SLC7A11: variants seen among roughly 807,000 people sequenced by gnomAD.
The protein encoded by SLC7A11 is cystine/glutamate transporter.
A neutral mutation model predicts 54.5 loss-of-function variants in SLC7A11; 35 were observed. That is an observed-to-expected ratio of 0.64 (90% CI 0.49 to 0.85). The LOEUF is 0.85. Among genes scored for constraint, SLC7A11 ranks in the 40% least tolerant of loss-of-function variants. SLC7A11 has a pLI of 0.00. For missense variants in SLC7A11, 583 were observed against 618.1 expected (o/e 0.94, Z 0.60); for synonymous variants, 230 against 225.2 (o/e 1.02, Z -0.19).
At chr4:138,218,736 T>C (rs2148442378) in intron 5 of SLC7A11, among the ~76,000 whole-genome samples, 1 of 152,316 alleles carries the variant, frequency 6.6e-6, no homozygotes, top group African/African-American at 2.4e-5. Flanking sequence ...TAATAGACTG[T>C]CTAGAAGAGT....
chr4:138,211,154 C>T (rs921880237), intron 6 of SLC7A11, among the ~76,000 whole-genome samples: 18 of 151,926 alleles, frequency 1.2e-4, no homozygotes, highest in African/African-American at 4.1e-4. Flanking sequence ...AAACCAAATA[C>T]TGCATGTTCT....
chr4:138,222,904 G>A (rs1238349893), intron 4 of SLC7A11, among the ~76,000 whole-genome samples: 1 of 96,532 alleles, frequency 1.0e-5, no homozygotes, highest in Non-Finnish European at 2.0e-5. Context: ...AAACTAAGTG[G>A]CAGGTTTTTT....
intron 7 of SLC7A11, among the ~76,000 whole-genome samples, chr4:138,183,881 C>G (rs575918597): frequency 1.3e-5 from 2 of 152,230 alleles, no homozygotes; most frequent in South Asian, 4.1e-4. Flanking sequence ...CTCCCTCCCC[C>G]TCATGTATGT....
At chr4:138,214,744 T>C (rs918065596) in intron 5 of SLC7A11, 115 bp from the exon 6 acceptor site, 8 of 355,084 alleles carry the variant, frequency 2.3e-5, no homozygotes, top group Non-Finnish European at 3.6e-5. Flanking sequence ...ACAATACTTA[T>C]AGTAAGATGA....
intron 10 of SLC7A11, among the ~76,000 whole-genome samples, chr4:138,179,922 G>A (rs1736680375): frequency 6.6e-6 from 1 of 152,088 alleles, no homozygotes; most frequent in African/African-American, 2.4e-5. Flanking sequence ...CCAGCATTAG[G>A]CAATGAATAT....
chr4:138,197,087 T>C (rs1323376923), intron 6 of SLC7A11, among the ~76,000 whole-genome samples: 1 of 152,250 alleles, frequency 6.6e-6, no homozygotes, highest in Non-Finnish European at 1.5e-5. Context: ...AGGTATCTTA[T>C]TATTTCTAGT....
At chr4:138,197,479 G>C (rs893285910) in intron 6 of SLC7A11, among the ~76,000 whole-genome samples, 1 of 151,894 alleles carries the variant, frequency 6.6e-6, no homozygotes, top group Non-Finnish European at 1.5e-5. Flanking sequence ...TCTGAAAGAA[G>C]AAAAATAAGT....
intron 7 of SLC7A11, 94 bp downstream of exon 7, chr4:138,185,027 A>C (rs1736841328): frequency 7.0e-7 from 1 of 1,421,040 alleles, no homozygotes; most frequent in Admixed American, 1.7e-5. Context: ...AGATTACTGA[A>C]TTTCAAAACA....
chr4:138,221,607 A>G (rs905645091), intron 4 of SLC7A11, among the ~76,000 whole-genome samples: 7 of 152,314 alleles, frequency 4.6e-5, no homozygotes, highest in African/African-American at 1.7e-4. Context: ...CATTGATATC[A>G]TGATTATTGA....
intron 5 of SLC7A11, among the ~76,000 whole-genome samples, chr4:138,218,188 G>A (rs769047189): frequency 3.3e-5 from 5 of 151,732 alleles, no homozygotes; most frequent in Admixed American, 1.3e-4. Flanking sequence ...TCCATGCATC[G>A]GCTAGAAGGT....
Position 138,171,319 on chromosome 4 carries a change from G to A in SLC7A11, c.*637C>T, listed in dbSNP as rs759260852. On this transcript the variant is annotated 3_prime_UTR_variant, in exon 12 of 12. Coordinates refer to ENST00000280612, the MANE Select transcript of SLC7A11 (RefSeq NM_014331.4). ...GGATTTTTACTTAAACATAACTCCT[G>A]GATGTGTCTCATAAACAGTAGCCCC... The A allele has an allele frequency of 4.6e-5, 7 of 152,118 alleles. No homozygotes were observed. The highest frequency in any genetic ancestry group is 1.3e-4 in the Admixed American group (2 of 15,254). The allele number at this position is 152,118 out of a possible 1,614,324, so 9.4% of individuals were successfully genotyped here. A position where few individuals can be genotyped will look rare whatever the true frequency, so the allele number is the denominator to read the frequency against.
chr4:138,198,937 G>A (rs1490676453), intron 6 of SLC7A11, among the ~76,000 whole-genome samples: 1 of 152,048 alleles, frequency 6.6e-6, no homozygotes, highest in African/African-American at 2.4e-5. Flanking sequence ...AAGACGGTGA[G>A]ACAGATCTAT....
At position 138,170,271 on chromosome 4, in the gene SLC7A11, T is replaced by TATATATATATATAC. The variant is rs752680028; in HGVS notation, c.*1684_*1685insGTATATATATATAT. ...GTGTGTATATATATATATATATATA[T>TATATATATATATAC]ACACACACACACACACACACACATA... On this transcript the variant is annotated 3_prime_UTR_variant, in exon 12 of 12. Transcript: ENST00000280612. The TATATATATATATAC allele has an allele frequency of 3.7e-4, 32 of 86,244 alleles. 1 individual carries two copies. In the East Asian group the frequency reaches 3.9e-3, roughly 10 times the overall value. 5.3% of individuals were successfully genotyped at this position (86,244 alleles called of 1,614,324 possible). A position where few individuals can be genotyped will look rare whatever the true frequency, so the allele number is the denominator to read the frequency against.
chr4:138,241,768 C>T, intron 1 of SLC7A11, 25 bp downstream of exon 1: 1 of 1,562,490 alleles, frequency 6.4e-7, no homozygotes, highest in Non-Finnish European at 8.8e-7. Context: ...AGCCACGCCC[C>T]CACGAGAGAA....
chr4:138,178,987 G>C (rs1736650518), intron 11 of SLC7A11, among the ~76,000 whole-genome samples: 1 of 152,080 alleles, frequency 6.6e-6, no homozygotes, highest in African/African-American at 2.4e-5. Context: ...AAACAAAGCT[G>C]TTTCTCCTAA....
chr4:138,233,267 C>A (rs1455904367), intron 2 of SLC7A11, among the ~76,000 whole-genome samples: 1 of 151,848 alleles, frequency 6.6e-6, no homozygotes, highest in Admixed American at 6.6e-5. Flanking sequence ...TCACTGCAAC[C>A]TCCGCCTCCC....
At chr4:138,237,067 G>C (rs573755588) in intron 1 of SLC7A11, among the ~76,000 whole-genome samples, 74 of 139,022 alleles carry the variant, frequency 5.3e-4, no homozygotes, top group African/African-American at 1.8e-3. Context: ...CTCACTGCAA[G>C]CTCTGCCTCC....
At chr4:138,238,675 C>T (rs1407950579) in intron 1 of SLC7A11, among the ~76,000 whole-genome samples, 1 of 151,920 alleles carries the variant, frequency 6.6e-6, no homozygotes, top group Admixed American at 6.6e-5. Context: ...TCTTGCCTCA[C>T]TGCAGCCTCT....
chr4:138,216,438 G>A (rs1265511148), intron 5 of SLC7A11, among the ~76,000 whole-genome samples: 1 of 152,096 alleles, frequency 6.6e-6, no homozygotes, highest in African/African-American at 2.4e-5. Flanking sequence ...CAGGATATGG[G>A]ACTGAGTTCC....
Sources: gnomAD v4.1 joint callset for allele counts (sites outside exome capture counted in the v4.1 genomes callset) on GRCh38, gnomAD v4.1.1 for gene constraint, MANE v1.5 for transcripts, NCBI Gene and HGNC (gene_info 2026-07-23, HGNC 2026-07-21) for gene names.